Variants in DCC observed in about 807,000 individuals in gnomAD.
The protein encoded by DCC is netrin receptor DCC.
A neutral mutation model predicts 172.5 loss-of-function variants in DCC; 58 were observed. The ratio of observed to expected loss-of-function variants is 0.34; its 90% CI spans 0.27 to 0.42. The LOEUF is 0.42. Ranked by LOEUF, DCC falls within the 10% of genes least tolerant of loss-of-function variation. The probability of loss-of-function intolerance (pLI) is 1.00; values close to 1 mark genes in which losing one functional copy is unlikely to be tolerated. For synonymous variants in DCC, 709 were observed against 644.5 expected, an observed-to-expected ratio of 1.10 and a Z score of -1.52; for missense variants, 1,740 against 1,791.0, an observed-to-expected ratio of 0.97 and a Z score of 0.51.
intron 5 of DCC, among the ~76,000 whole-genome samples, chr18:53,007,838 T>C (rs979292242): frequency 5.3e-5 from 8 of 152,114 alleles, no homozygotes; most frequent in Non-Finnish European, 8.8e-5. Flanking sequence ...TAGGGCCATT[T>C]GGGAGCTCAA....
intron 12 of DCC, among the ~76,000 whole-genome samples, chr18:53,299,362 A>G (rs1238289944): frequency 6.6e-6 from 1 of 151,902 alleles, no homozygotes; most frequent in Non-Finnish European, 1.5e-5. Context: ...CCTTTTCCTT[A>G]TCCTATATAT....
chr18:52,889,804 C>T lies in DCC; in HGVS notation c.413-16240C>T, dbSNP rs150847545. On this transcript the variant is annotated intron_variant, in intron 2 of 28. Transcript: ENST00000442544. Reference sequence around the variant, plus strand: ...ATATTCTGCAATGAAAAGGACCAGTCATCAGAACTTTAAGATGAAGTCATT... The same window carrying T: ...ATATTCTGCAATGAAAAGGACCAGTTATCAGAACTTTAAGATGAAGTCATT... 3.9e-5 allele frequency among the ~76,000 whole-genome samples: 6 copies of T among 152,184 alleles called. No individual in the cohort carries two copies. The East Asian group carries it at 7.7e-4, about 20-fold the overall frequency.
chr18:53,102,282 T>C (rs1005339216), intron 7 of DCC, among the ~76,000 whole-genome samples: 7 of 152,126 alleles, frequency 4.6e-5, no homozygotes, highest in Non-Finnish European at 8.8e-5. Context: ...TTGTTAAAGA[T>C]AAAATGTTCG....
chr18:53,117,673 G>A (rs71368913), intron 7 of DCC, among the ~76,000 whole-genome samples: 9 of 137,362 alleles, frequency 6.6e-5, no homozygotes, highest in Non-Finnish European at 1.5e-4. Flanking sequence ...CTACAGCAGA[G>A]GTCAGCAAAC....
intron 2 of DCC, among the ~76,000 whole-genome samples, chr18:52,800,629 CCAAA>C (rs1446827737): frequency 1.3e-5 from 2 of 151,732 alleles, no homozygotes; most frequent in African/African-American, 2.4e-5. Flanking sequence ...ATTTTCAACA[CCAAA>C]CAGATGTTGC....
intron 5 of DCC, among the ~76,000 whole-genome samples, chr18:53,013,984 G>A (rs897224542): frequency 1.3e-5 from 2 of 152,106 alleles, no homozygotes; most frequent in African/African-American, 4.8e-5. Context: ...TTATTTCACT[G>A]TTCCTCATGG....
At chr18:52,445,167 A>T (rs965519508) in intron 1 of DCC, among the ~76,000 whole-genome samples, 2 of 152,196 alleles carry the variant, frequency 1.3e-5, no homozygotes, top group Non-Finnish European at 2.9e-5. Context: ...TACAATTCCT[A>T]AATAGTAATT....
chr18:52,660,290 T>G (rs1239644554), intron 1 of DCC, among the ~76,000 whole-genome samples: 1 of 152,132 alleles, frequency 6.6e-6, no homozygotes, highest in Non-Finnish European at 1.5e-5. Context: ...ACTGCTTTTG[T>G]GTGCAAAGTT....
chr18:53,377,282 T>G (rs568486945), intron 15 of DCC, among the ~76,000 whole-genome samples: 1 of 151,660 alleles, frequency 6.6e-6, no homozygotes, highest in East Asian at 1.9e-4. Context: ...AAGGAGCTGC[T>G]GCATCTGGTG....
chr18:52,507,151 C>T (rs1387881326), intron 1 of DCC, among the ~76,000 whole-genome samples: 1 of 152,124 alleles, frequency 6.6e-6, no homozygotes, highest in Non-Finnish European at 1.5e-5. Context: ...ATCTCATATC[C>T]TCCCCTATGA....
intron 1 of DCC, among the ~76,000 whole-genome samples, chr18:52,421,786 T>G (rs1987258236): frequency 6.6e-6 from 1 of 152,180 alleles, no homozygotes; most frequent in African/African-American, 2.4e-5. Context: ...AAATGTTTTT[T>G]GTTGTTGTTG....
At chr18:52,839,731 C>A (rs1175598268) in intron 2 of DCC, among the ~76,000 whole-genome samples, 3 of 152,200 alleles carry the variant, frequency 2.0e-5, no homozygotes, top group African/African-American at 7.2e-5. Flanking sequence ...CTGTGCTTTT[C>A]TGCAGTGCCT....
chr18:52,936,810 T>G (rs1004388480), intron 5 of DCC, among the ~76,000 whole-genome samples: 1 of 152,044 alleles, frequency 6.6e-6, no homozygotes, highest in Non-Finnish European at 1.5e-5. Context: ...CAAACCACAT[T>G]AGACAGAAAT....
At chr18:52,784,819 T>G (rs2037622576) in intron 2 of DCC, among the ~76,000 whole-genome samples, 2 of 151,250 alleles carry the variant, frequency 1.3e-5, no homozygotes, top group African/African-American at 4.9e-5. Flanking sequence ...GAGAAAGAAC[T>G]CAGGACCCAG....
chr18:52,652,186 C>T (rs183391592), intron 1 of DCC, among the ~76,000 whole-genome samples: 39 of 152,206 alleles, frequency 2.6e-4, no homozygotes, highest in Admixed American at 1.3e-3. Context: ...TGCTCGTTGC[C>T]CAAGGAAGAA....
intron 15 of DCC, among the ~76,000 whole-genome samples, chr18:53,365,605 C>A (rs79847383): frequency 6.6e-6 from 1 of 152,024 alleles, no homozygotes; most frequent in Non-Finnish European, 1.5e-5. Context: ...AAGGAAGAGA[C>A]GAGGAATGTG....
At chr18:52,884,140 C>T (rs2039535451) in intron 2 of DCC, among the ~76,000 whole-genome samples, 1 of 151,884 alleles carries the variant, frequency 6.6e-6, no homozygotes, top group Non-Finnish European at 1.5e-5. Flanking sequence ...CTTTCTTTAT[C>T]CTTGATCTTT....
intron 1 of DCC, among the ~76,000 whole-genome samples, chr18:52,578,314 A>G (rs893095011): frequency 2.6e-4 from 40 of 152,334 alleles, no homozygotes; most frequent in African/African-American, 9.6e-4. Context: ...TCAGAGATTC[A>G]ATTTTAGTTC....
chr18:52,988,194 A>T (rs1205056108), intron 5 of DCC, among the ~76,000 whole-genome samples: 2 of 152,290 alleles, frequency 1.3e-5, no homozygotes, highest in African/African-American at 4.8e-5. Flanking sequence ...TTAGCAAATT[A>T]GCTTGCCAGG....
Sources: allele counts gnomAD v4.1 joint callset (sites outside exome capture counted in the v4.1 genomes callset), GRCh38; gene constraint gnomAD v4.1.1; transcripts MANE v1.5; gene names NCBI Gene and HGNC (gene_info 2026-07-23, HGNC 2026-07-21).